ERBB4: variants seen among roughly 807,000 people sequenced by gnomAD.
The protein encoded by ERBB4 is erb-b2 receptor tyrosine kinase 4, also known as receptor tyrosine-protein kinase erbB-4.
Under a neutral mutation model 158.0 loss-of-function variants are expected in ERBB4, and 42 were observed. The ratio of observed to expected loss-of-function variants is 0.27; its 90% CI spans 0.21 to 0.34. The LOEUF is 0.34. Among genes scored for constraint, ERBB4 ranks in the 10% least tolerant of loss-of-function variants. The probability of loss-of-function intolerance (pLI) is 1.00; values close to 1 mark genes in which losing one functional copy is unlikely to be tolerated. For synonymous variants in ERBB4, 583 were observed against 558.7 expected (o/e 1.04, Z -0.61); for missense variants, 1,333 against 1,624.1 (o/e 0.82, Z 3.08).
At chr2:212,336,957 G>T (rs1490155662) in intron 1 of ERBB4, among the ~76,000 whole-genome samples, 2 of 152,056 alleles carry the variant, frequency 1.3e-5, no homozygotes, top group African/African-American at 4.8e-5. Context: ...AGTACTGTTG[G>T]TCTATGGATC....
intron 1 of ERBB4, among the ~76,000 whole-genome samples, chr2:212,518,958 A>G (rs1368659328): frequency 2.0e-5 from 3 of 151,972 alleles, no homozygotes; most frequent in Non-Finnish European, 4.4e-5. Context: ...TAGGGATCAC[A>G]GGCAAAAAGG....
chr2:211,801,630 A>C (rs2076500468), intron 3 of ERBB4, among the ~76,000 whole-genome samples: 1 of 152,150 alleles, frequency 6.6e-6, no homozygotes, highest in African/African-American at 2.4e-5. Context: ...CTAAAGATAT[A>C]ATTATCTTTA....
At chr2:211,493,912 T>C (rs1030733094) in intron 20 of ERBB4, among the ~76,000 whole-genome samples, 24 of 152,264 alleles carry the variant, frequency 1.6e-4, no homozygotes, top group Non-Finnish European at 2.6e-4. Context: ...TCCTGACCTA[T>C]GATGTTCTGA....
At chr2:212,216,676 A>G (rs1271735587) in intron 1 of ERBB4, among the ~76,000 whole-genome samples, 2 of 151,418 alleles carry the variant, frequency 1.3e-5, no homozygotes, top group East Asian at 1.9e-4. Context: ...TCAAACTTCT[A>G]TTGATTGCTA....
In ERBB4 at chr2:211,552,794, A is replaced by G. The variant is rs73075161; in HGVS notation, c.2487+9109T>C. Among the ~76,000 whole-genome samples, 978 of 152,318 alleles carry G rather than the reference A, an allele frequency of 6.4e-3. 7 individuals are homozygous for G. Among genetic ancestry groups the G allele is most frequent in the African/African-American group, 0.022 (928 of 41,570 alleles). On this transcript the variant is annotated intron_variant, in intron 20 of 27. Transcript: ENST00000342788. ...TTTCCTTAGAGCAAAGTCAGAAACT[A>G]AAATTTTTGCAGGAATAGTAAGTCA...
At chr2:212,430,161 A>C (rs1460814715) in intron 1 of ERBB4, among the ~76,000 whole-genome samples, 1 of 152,190 alleles carries the variant, frequency 6.6e-6, no homozygotes, top group African/African-American at 2.4e-5. Flanking sequence ...TTTGAATATT[A>C]ATTGTTTTTC....
chr2:212,162,968 T>C (rs1231365261), intron 1 of ERBB4, among the ~76,000 whole-genome samples: 1 of 151,980 alleles, frequency 6.6e-6, no homozygotes, highest in African/African-American at 2.4e-5. Context: ...GTCTTTTGGG[T>C]AGCATTTGAG....
At chr2:212,441,878 A>T (rs1240592421) in intron 1 of ERBB4, among the ~76,000 whole-genome samples, 1 of 152,210 alleles carries the variant, frequency 6.6e-6, no homozygotes, top group Non-Finnish European at 1.5e-5. Flanking sequence ...CATCCCAGCT[A>T]GGAGGGTCCA....
chr2:212,072,556 T>C (rs954015440), intron 2 of ERBB4, among the ~76,000 whole-genome samples: 2 of 151,972 alleles, frequency 1.3e-5, no homozygotes, highest in African/African-American at 4.8e-5. Flanking sequence ...GATGTATACT[T>C]GCCAAAGCAA....
intron 20 of ERBB4, among the ~76,000 whole-genome samples, chr2:211,457,891 G>A (rs529618470): frequency 6.6e-6 from 1 of 152,162 alleles, no homozygotes; most frequent in Non-Finnish European, 1.5e-5. Flanking sequence ...AGGAACCGCT[G>A]GTCCACTGTG....
intron 17 of ERBB4, among the ~76,000 whole-genome samples, chr2:211,624,903 T>A (rs963911421): frequency 6.6e-6 from 1 of 151,016 alleles, no homozygotes; most frequent in African/African-American, 2.4e-5. Flanking sequence ...GTCAGAAGGG[T>A]GAGAGTACGG....
intron 5 of ERBB4, among the ~76,000 whole-genome samples, chr2:211,747,343 C>G (rs142375138): frequency 6.6e-6 from 1 of 152,190 alleles, no homozygotes; most frequent in Non-Finnish European, 1.5e-5. Context: ...GAAGATCATC[C>G]CTCCCACCCC....
At position 211,619,290 on chromosome 2, in the gene ERBB4, A is replaced by T. The variant is rs770767366; in HGVS notation, c.2203-15T>A. The T allele has an allele frequency of 3.5e-6, 5 of 1,434,014 alleles. No individual in the cohort carries two copies. Among genetic ancestry groups the T allele is most frequent in the Non-Finnish European group, 4.9e-6 (5 of 1,016,222 alleles). The allele number at this position is 1,434,014 out of a possible 1,614,324, so 88.8% of individuals were successfully genotyped here. On this transcript the variant is annotated splice_polypyrimidine_tract_variant and intron_variant, in intron 18 of 27. Transcript: ENST00000342788. Reference sequence around the variant, plus strand: ...ACCCAAATACCCTTTGGGGAAAAAAATTTACATTAAATATGACATCTCAAC... The same window carrying T: ...ACCCAAATACCCTTTGGGGAAAAAATTTTACATTAAATATGACATCTCAAC...
At chr2:211,566,983 T>C (rs1387262451) in intron 19 of ERBB4, among the ~76,000 whole-genome samples, 3 of 152,198 alleles carry the variant, frequency 2.0e-5, no homozygotes, top group Non-Finnish European at 2.9e-5. Flanking sequence ...TTAGGAAATA[T>C]AAAATGTTGA....
chr2:211,925,064 T>C (rs1332973030), intron 3 of ERBB4, among the ~76,000 whole-genome samples: 1 of 152,206 alleles, frequency 6.6e-6, no homozygotes, highest in Non-Finnish European at 1.5e-5. Flanking sequence ...TTCCTTTTCA[T>C]CACGTAATCA....
chr2:212,121,444 G>A (rs1663632369), intron 2 of ERBB4, among the ~76,000 whole-genome samples: 1 of 152,098 alleles, frequency 6.6e-6, no homozygotes, highest in Non-Finnish European at 1.5e-5. Flanking sequence ...AACTCCTCAA[G>A]TGATCTGCCC....
chr2:212,095,424 T>C (rs949669490), intron 2 of ERBB4, among the ~76,000 whole-genome samples: 1 of 152,172 alleles, frequency 6.6e-6, no homozygotes, highest in African/African-American at 2.4e-5. Context: ...TCTAATAAAA[T>C]TCCCAAAGTT....
At chr2:211,985,125 G>A (rs1336029284) in intron 2 of ERBB4, among the ~76,000 whole-genome samples, 3 of 152,020 alleles carry the variant, frequency 2.0e-5, no homozygotes, top group South Asian at 2.1e-4. Flanking sequence ...CAAACATTTC[G>A]GTTTTGGCAA....
At position 212,282,489 on chromosome 2, in the gene ERBB4, G is replaced by A. The variant is rs73986920; in HGVS notation, c.83-157586C>T. ...AGATACAAACTCTATTTGATTATTC[G>A]ACTTGTATGAAGTAACCCAGGGACC... On this transcript the variant is annotated intron_variant, in intron 1 of 27. Transcript: ENST00000342788. Among the ~76,000 whole-genome samples the A allele has an allele frequency of 1.0e-2, 1,514 of 151,878 alleles. 22 individuals are homozygous for A. The highest frequency in any genetic ancestry group is 0.035 in the African/African-American group (1,438 of 41,466).
Sources: gnomAD v4.1 joint callset for allele counts (sites outside exome capture counted in the v4.1 genomes callset) on GRCh38, gnomAD v4.1.1 for gene constraint, MANE v1.5 for transcripts, NCBI Gene and HGNC (gene_info 2026-07-23, HGNC 2026-07-21) for gene names.